CHST12: variants seen among roughly 807,000 people sequenced by gnomAD.
The protein encoded by CHST12 is carbohydrate sulfotransferase 12, also known as carbohydrate (chondroitin 4) sulfotransferase 12.
CHST12 carries 23 observed loss-of-function variants against 27.9 expected under a neutral mutation model. The observed-to-expected ratio is 0.82, with a 90% CI of 0.59 to 1.17. The LOEUF (loss-of-function observed/expected upper bound fraction) is 1.17. Among genes scored for constraint, CHST12 ranks in the 50% most tolerant of loss-of-function variants. CHST12 has a pLI of 0.00. For missense variants in CHST12, 682 were observed against 603.0 expected, an observed-to-expected ratio of 1.13 and a Z score of -1.37; for synonymous variants, 322 against 273.0, an observed-to-expected ratio of 1.18 and a Z score of -1.77.
rs898715948 is a variant in CHST12, at chr7:2,439,859, G to T, written c.*5975G>T. On this transcript the variant is annotated 3_prime_UTR_variant, in exon 2 of 2. Coordinates refer to ENST00000618655, the MANE Select transcript of CHST12 (RefSeq NM_018641.5). The stretch of plus-strand genomic sequence containing the variant: ...GGCGCCACTACACTCCAGCCTGGGC[G>T]ACAGAGCGAGACTCCGTCTCAAAAA... The T allele has an allele frequency of 5.7e-4, 86 of 152,022 alleles. No individual in the cohort carries two copies. Among genetic ancestry groups the T allele is most frequent in the African/African-American group, 2.0e-3 (84 of 41,528 alleles). 9.4% of individuals were successfully genotyped at this position (152,022 alleles called of 1,614,324 possible). A position where few individuals can be genotyped will look rare whatever the true frequency, so the allele number is the denominator to read the frequency against.
chr7:2,408,569 T>C (rs955101075), intron 1 of CHST12, among the ~76,000 whole-genome samples: 4 of 152,148 alleles, frequency 2.6e-5, no homozygotes, highest in African/African-American at 9.7e-5. Flanking sequence ...CTTGGGCTTT[T>C]TCAAAGCAGC....
At chr7:2,431,570 C>T (rs2115438135) in intron 1 of CHST12, among the ~76,000 whole-genome samples, 1 of 152,326 alleles carries the variant, frequency 6.6e-6, no homozygotes, top group East Asian at 1.9e-4. Flanking sequence ...AGGCTTAGCT[C>T]CCTGCTGGAC....
intron 1 of CHST12, among the ~76,000 whole-genome samples, chr7:2,424,892 G>A (rs1192248474): frequency 1.3e-5 from 2 of 152,146 alleles, no homozygotes; most frequent in South Asian, 2.1e-4. Flanking sequence ...CCCCCGTGGA[G>A]GAGCAGGAGG....
chr7:2,404,799 C>T (rs1583203394), intron 1 of CHST12, among the ~76,000 whole-genome samples: 2 of 152,376 alleles, frequency 1.3e-5, no homozygotes, highest in African/African-American at 2.4e-5. Flanking sequence ...TTTGGGCTGA[C>T]GCTTTGGGGC....
At chr7:2,408,217 C>G (rs745778479) in intron 1 of CHST12, among the ~76,000 whole-genome samples, 12 of 151,748 alleles carry the variant, frequency 7.9e-5, no homozygotes, top group Admixed American at 3.3e-4. Context: ...CAAAAATTAG[C>G]CAGGTATGGT....
chr7:2,424,654 C>T (rs1461546369), intron 1 of CHST12, among the ~76,000 whole-genome samples: 3 of 152,182 alleles, frequency 2.0e-5, no homozygotes, highest in Non-Finnish European at 4.4e-5. Context: ...AACTCATTAG[C>T]GTATCTGTTC....
In CHST12 at chr7:2,444,083, G is replaced by A. The variant is rs981843937; in HGVS notation, c.*10199G>A. 1 of 151,346 alleles carries A rather than the reference G, an allele frequency of 6.6e-6. No individual in the cohort carries two copies. The highest frequency in any genetic ancestry group is 1.5e-5 in the Non-Finnish European group (1 of 67,856). The allele number at this position is 151,346 out of a possible 1,614,324, so 9.4% of individuals were successfully genotyped here. On this transcript the variant is annotated 3_prime_UTR_variant, in exon 2 of 2. Coordinates refer to ENST00000618655, the MANE Select transcript of CHST12 (RefSeq NM_018641.5). ...GCGGATCACGAGGTCAGGAGATCGAGACCATCCCGGCTAAAACGGTGAAAC... is the reference window on the plus strand; with the variant it reads ...GCGGATCACGAGGTCAGGAGATCGAAACCATCCCGGCTAAAACGGTGAAAC...
intron 1 of CHST12, among the ~76,000 whole-genome samples, chr7:2,410,296 C>A (rs909675629): frequency 2.0e-5 from 3 of 152,142 alleles, no homozygotes; most frequent in African/African-American, 7.2e-5. Context: ...TGAGGCAGGA[C>A]GAGGACCTCC....
chr7:2,428,538 A>G (rs1237274050), intron 1 of CHST12, among the ~76,000 whole-genome samples: 5 of 152,194 alleles, frequency 3.3e-5, no homozygotes, highest in Admixed American at 1.3e-4. Flanking sequence ...GATGCCGCCA[A>G]TGCACTGGAT....
At chr7:2,408,192 A>T (rs778415002) in intron 1 of CHST12, among the ~76,000 whole-genome samples, 5 of 151,754 alleles carry the variant, frequency 3.3e-5, no homozygotes, top group African/African-American at 4.8e-5. Context: ...CAACATAGTG[A>T]AACCCTGGCT....
chr7:2,408,265 G>A (rs1781572796), intron 1 of CHST12, among the ~76,000 whole-genome samples: 1 of 150,552 alleles, frequency 6.6e-6, no homozygotes, highest in Admixed American at 6.7e-5. Context: ...AGGAGGCTGA[G>A]ACAGGAGAAT....
In CHST12 at chr7:2,410,382, T is replaced by A. The variant is rs373305134; in HGVS notation, c.-78+6709T>A. Among the ~76,000 whole-genome samples, 233 of 152,290 alleles carry A rather than the reference T, an allele frequency of 1.5e-3. 4 individuals carry two copies. In the South Asian group the frequency reaches 0.031, roughly 20 times the overall value. On this transcript the variant is annotated intron_variant, in intron 1 of 1. Transcript: ENST00000618655. Reference sequence around the variant, plus strand: ...GCTATTTGAGGCCAGGCATGGTGGCTCACGCCTGTAATCCTGACATTTTGG... The same window carrying A: ...GCTATTTGAGGCCAGGCATGGTGGCACACGCCTGTAATCCTGACATTTTGG...
intron 1 of CHST12, among the ~76,000 whole-genome samples, chr7:2,426,708 C>G (rs1782130624): frequency 6.6e-6 from 1 of 151,806 alleles, no homozygotes; most frequent in South Asian, 2.1e-4. Context: ...GAGAGACATA[C>G]AGTCCGGGTG....
intron 1 of CHST12, among the ~76,000 whole-genome samples, chr7:2,427,474 T>G (rs1462249760): frequency 6.6e-6 from 1 of 151,492 alleles, no homozygotes; most frequent in African/African-American, 2.4e-5. Context: ...GCACTCCAGC[T>G]TAGGTGACAG....
chr7:2,411,490 CTTTTTT>C (rs79743047), intron 1 of CHST12, among the ~76,000 whole-genome samples: 2 of 87,544 alleles, frequency 2.3e-5, no homozygotes, highest in Non-Finnish European at 4.0e-5. Flanking sequence ...TAACTTAACT[CTTTTTT>C]TTTTTTTTTT....
chr7:2,424,759 T>G (rs60383982), intron 1 of CHST12, among the ~76,000 whole-genome samples: 95,604 of 151,994 alleles, frequency 0.63, 30,765 homozygotes, highest in East Asian at 0.79. Flanking sequence ...TTCAGGAGTT[T>G]GAGGCACCAA....
chr7:2,432,267 G>A (rs1280532888), intron 1 of CHST12, among the ~76,000 whole-genome samples: 1 of 151,234 alleles, frequency 6.6e-6, no homozygotes, highest in Non-Finnish European at 1.5e-5. Flanking sequence ...CCTCTTCTTG[G>A]GAGTTGTGGG....
rs193189265 is a variant in CHST12 at position 2,421,813 on chromosome 7, G to A, written c.-77-10750G>A. 1.5e-4 allele frequency among the ~76,000 whole-genome samples: 23 copies of A among 151,818 alleles called. No individual in the cohort carries two copies. The East Asian group carries it at 3.3e-3, about 22-fold the overall frequency. On this transcript the variant is annotated intron_variant, in intron 1 of 1. Coordinates refer to ENST00000618655, the MANE Select transcript of CHST12 (RefSeq NM_018641.5). ...TCTTAAACTCCTGGGCAGTTCTCCCGCCTCAGCCTCCCAAAGTGCTGGGAT... is the reference window on the plus strand; with the variant it reads ...TCTTAAACTCCTGGGCAGTTCTCCCACCTCAGCCTCCCAAAGTGCTGGGAT...
At chr7:2,404,791 T>C (rs1334719556) in intron 1 of CHST12, among the ~76,000 whole-genome samples, 4 of 152,372 alleles carry the variant, frequency 2.6e-5, no homozygotes, top group African/African-American at 4.8e-5. Context: ...TATGGGACTT[T>C]GGGCTGACGC....
Sources: allele counts gnomAD v4.1 joint callset (sites outside exome capture counted in the v4.1 genomes callset), GRCh38; gene constraint gnomAD v4.1.1; transcripts MANE v1.5; gene names NCBI Gene and HGNC (gene_info 2026-07-23, HGNC 2026-07-21).